NBEA: variants seen among roughly 807,000 people sequenced by gnomAD.
NBEA encodes lysosomal-trafficking regulator 2.
Under a neutral mutation model 343.4 loss-of-function variants are expected in NBEA, and 44 were observed. That is an observed-to-expected ratio of 0.13 (90% CI 0.10 to 0.16). The LOEUF (loss-of-function observed/expected upper bound fraction) is 0.16, where lower values mean the gene tolerates loss of function less well. Ranked by LOEUF, NBEA falls within the 10% of genes least tolerant of loss-of-function variation. The pLI, the probability that NBEA is intolerant of heterozygous loss-of-function variation, is 1.00. For synonymous variants in NBEA, 1,175 were observed against 1,238.7 expected, an observed-to-expected ratio of 0.95 and a Z score of 1.08; for missense variants, 2,555 against 3,631.3, an observed-to-expected ratio of 0.70 and a Z score of 7.62.
At chr13:35,371,351 T>C (rs1008809786) in intron 38 of NBEA, among the ~76,000 whole-genome samples, 1 of 152,004 alleles carries the variant, frequency 6.6e-6, no homozygotes, top group African/African-American at 2.4e-5. Flanking sequence ...TCAAAATATC[T>C]TTCTTCAGGT....
intron 34 of NBEA, among the ~76,000 whole-genome samples, chr13:35,249,284 A>G (rs981992149): frequency 1.6e-4 from 24 of 152,168 alleles, no homozygotes; most frequent in Non-Finnish European, 2.9e-4. Flanking sequence ...AAAATTTTAA[A>G]CTTCTGTGCA....
intron 34 of NBEA, among the ~76,000 whole-genome samples, chr13:35,239,582 TAGG>T (rs1481363931): frequency 6.6e-6 from 1 of 152,086 alleles, no homozygotes; most frequent in Non-Finnish European, 1.5e-5. Flanking sequence ...AGATATAAAA[TAGG>T]AGAGTTTAAG....
Position 35,371,252 on chromosome 13 carries a change from A to T in NBEA, c.6179+18929A>T, listed in dbSNP as rs552246669. The stretch of plus-strand genomic sequence containing the variant: ...CATCTTCAGTGACACTAAAAATTCA[A>T]ATATTTAGTAGCTTTGTGATGTGTG... On this transcript the variant is annotated intron_variant, in intron 38 of 58. Coordinates refer to ENST00000379939, the MANE Select transcript of NBEA (RefSeq NM_001385012.1). Among the ~76,000 whole-genome samples the T allele has an allele frequency of 2.6e-5, 4 of 152,082 alleles. No homozygotes were observed. In the South Asian group the frequency reaches 8.3e-4, roughly 32 times the overall value.
chr13:35,661,992 A>C (rs566542435), intron 55 of NBEA, among the ~76,000 whole-genome samples: 1 of 152,282 alleles, frequency 6.6e-6, no homozygotes, highest in East Asian at 1.9e-4. Context: ...CCTGCATATC[A>C]GTGTCCCACA....
chr13:35,407,412 A>T (rs887902407), intron 38 of NBEA, among the ~76,000 whole-genome samples: 1 of 152,066 alleles, frequency 6.6e-6, no homozygotes, highest in South Asian at 2.1e-4. Context: ...TTGTTCTTAA[A>T]AAAACTGCTT....
At chr13:34,982,911 C>T (rs1160924499) in intron 1 of NBEA, among the ~76,000 whole-genome samples, 2 of 151,920 alleles carry the variant, frequency 1.3e-5, no homozygotes, top group African/African-American at 4.8e-5. Flanking sequence ...TTTTCTTTCT[C>T]CTTTTAATTA....
intron 10 of NBEA, among the ~76,000 whole-genome samples, chr13:35,075,397 A>G (rs1421369376): frequency 6.6e-6 from 1 of 152,106 alleles, no homozygotes; most frequent in African/African-American, 2.4e-5. Flanking sequence ...TTTTAATGTT[A>G]TTGTAAACTA....
intron 6 of NBEA, among the ~76,000 whole-genome samples, chr13:35,054,643 C>CTTTTTTTTTTTTTTTTTTTT (rs1186551019): frequency 2.6e-5 from 3 of 117,450 alleles, no homozygotes; most frequent in African/African-American, 3.1e-5. Context: ...GTTTTCTTTT[C>CTTTTTTTTTTTTTTTTTTTT]TTTTTTTTTT....
At chr13:34,981,675 A>T (rs1159758401) in intron 1 of NBEA, among the ~76,000 whole-genome samples, 2 of 151,462 alleles carry the variant, frequency 1.3e-5, no homozygotes, top group African/African-American at 4.8e-5. Flanking sequence ...TTTGTCTATG[A>T]ATGATTTTTA....
chr13:34,957,036 C>T (rs866802633), intron 1 of NBEA, among the ~76,000 whole-genome samples: 2 of 146,692 alleles, frequency 1.4e-5, no homozygotes, highest in Non-Finnish European at 3.0e-5. Context: ...CACACACACA[C>T]ATATATATAC....
intron 31 of NBEA, among the ~76,000 whole-genome samples, chr13:35,197,871 C>T (rs528974228): frequency 1.3e-5 from 2 of 152,100 alleles, no homozygotes; most frequent in African/African-American, 2.4e-5. Context: ...TTTACAAATA[C>T]GTCTTGAAAA....
At chr13:35,381,495 A>G (rs555445439) in intron 38 of NBEA, among the ~76,000 whole-genome samples, 2 of 152,156 alleles carry the variant, frequency 1.3e-5, no homozygotes, top group South Asian at 2.1e-4. Context: ...AAAGACATAC[A>G]TGAATATCCA....
At chr13:35,059,658 TGTG>T (rs2063394512) in intron 8 of NBEA, among the ~76,000 whole-genome samples, 1 of 151,710 alleles carries the variant, frequency 6.6e-6, no homozygotes, top group Admixed American at 6.6e-5. Flanking sequence ...ATGTGAAGAT[TGTG>T]TAATGGAAAG....
At chr13:35,025,717 C>T (rs2061998022) in intron 1 of NBEA, among the ~76,000 whole-genome samples, 1 of 152,058 alleles carries the variant, frequency 6.6e-6, no homozygotes, top group South Asian at 2.1e-4. Flanking sequence ...ACTAGTCTCA[C>T]TTGTCTCTCT....
At chr13:35,426,953 G>A (rs995152386) in intron 38 of NBEA, among the ~76,000 whole-genome samples, 3 of 152,118 alleles carry the variant, frequency 2.0e-5, no homozygotes, top group East Asian at 1.9e-4. Flanking sequence ...CATTCGTCAC[G>A]TAGTTCTTGT....
intron 38 of NBEA, among the ~76,000 whole-genome samples, chr13:35,389,011 G>C (rs936176574): frequency 1.3e-5 from 2 of 151,186 alleles, no homozygotes; most frequent in African/African-American, 4.9e-5. Context: ...AAAGTCTGGC[G>C]GGTTTCTTTT....
chr13:34,966,043 T>C (rs1055866949), intron 1 of NBEA, among the ~76,000 whole-genome samples: 3 of 152,066 alleles, frequency 2.0e-5, no homozygotes, highest in Admixed American at 6.6e-5. Flanking sequence ...TTCAGAAATG[T>C]TAAATATGAA....
chr13:35,300,211 C>A (rs1184598276), intron 35 of NBEA, among the ~76,000 whole-genome samples: 3 of 152,094 alleles, frequency 2.0e-5, no homozygotes, highest in Non-Finnish European at 2.9e-5. Context: ...GTAGTCCCAG[C>A]CACTCAGGAG....
At chr13:34,994,198 C>CAAAAAAAAAA (rs57966701) in intron 1 of NBEA, among the ~76,000 whole-genome samples, 1 of 29,922 alleles carries the variant, frequency 3.3e-5, no homozygotes, top group Non-Finnish European at 8.9e-5. Flanking sequence ...GCTCTGTCTC[C>CAAAAAAAAAA]AAAAAAAAAA....
Sources: gnomAD v4.1 joint callset for allele counts (sites outside exome capture counted in the v4.1 genomes callset) on GRCh38, gnomAD v4.1.1 for gene constraint, MANE v1.5 for transcripts, NCBI Gene and HGNC (gene_info 2026-07-23, HGNC 2026-07-21) for gene names.